The following EFNA1 variants were observed in gnomAD, a reference collection of about 807,000 sequenced individuals.
EFNA1 encodes the protein ephrin-A1.
Under a neutral mutation model 23.2 loss-of-function variants are expected in EFNA1, and 8 were observed. The observed-to-expected ratio is 0.34, with a 90% CI of 0.20 to 0.62. The LOEUF (loss-of-function observed/expected upper bound fraction) is 0.62, where lower values mean the gene tolerates loss of function less well. Ranked by LOEUF, EFNA1 falls within the 20% of genes least tolerant of loss-of-function variation. EFNA1 has a pLI of 0.75. For missense variants in EFNA1, 217 were observed against 260.0 expected (o/e 0.83, Z 1.14); for synonymous variants, 89 against 98.6 (o/e 0.90, Z 0.58).
At chr1:155,130,568 G>C (rs939407796) in intron 1 of EFNA1, 1 of 985,190 alleles carries the variant, frequency 1.0e-6, no homozygotes, top group African/African-American at 1.7e-5. Context: ...TTTCATCTAG[G>C]GGGAGGTGGA....
chr1:155,131,655 A>G (rs754338748), intron 2 of EFNA1, 21 bp downstream of exon 2: 3 of 1,598,536 alleles, frequency 1.9e-6, no homozygotes, highest in Non-Finnish European at 2.6e-6. Flanking sequence ...GTGAGGGGAC[A>G]GTGTCTGTGT....
At chr1:155,130,479 GGA>G in intron 1 of EFNA1, 1 of 977,594 alleles carries the variant, frequency 1.0e-6, no homozygotes, top group Non-Finnish European at 1.2e-6. Flanking sequence ...GGAGAGGAGG[GGA>G]GAGGGGGAGA....
chr1:155,130,472 G>C, intron 1 of EFNA1: 1 of 976,528 alleles, frequency 1.0e-6, no homozygotes, highest in Non-Finnish European at 1.2e-6. Flanking sequence ...GAGGAGGGGA[G>C]AGGAGGGGAG....
chr1:155,132,939 C>T (rs1333142870), intron 2 of EFNA1, among the ~76,000 whole-genome samples: 1 of 151,766 alleles, frequency 6.6e-6, no homozygotes, highest in East Asian at 2.0e-4. Flanking sequence ...GAGACAGAGT[C>T]TCGCTCTGTC....
rs762230947 is a variant in EFNA1 at position 155,133,719 on chromosome 1, T to C, written c.455-11T>C. 1.9e-6 allele frequency: 3 copies of C among 1,613,932 alleles called. No homozygotes were observed. The African/African-American group carries it at 4.0e-5, about 22-fold the overall frequency. ...TACAGTACCTGATCTACTACCACTC[T>C]TGTCTTTCAGCTCACAGTCCTCAGG... On this transcript the variant is annotated splice_polypyrimidine_tract_variant and intron_variant, in intron 3 of 4. Transcript: ENST00000368407.
intron 1 of EFNA1, among the ~76,000 whole-genome samples, chr1:155,128,407 C>T (rs76790124): frequency 3.3e-5 from 5 of 152,034 alleles, no homozygotes; most frequent in Non-Finnish European, 5.9e-5. Context: ...CCCCACCCCC[C>T]CACTGTGAAA....
intron 2 of EFNA1, among the ~76,000 whole-genome samples, chr1:155,132,334 T>C (rs1664255395): frequency 6.6e-6 from 1 of 151,688 alleles, no homozygotes; most frequent in African/African-American, 2.4e-5. Context: ...CTGCAACCTC[T>C]ACCTCTCGGA....
At position 155,134,434 on chromosome 1, in the gene EFNA1, C is replaced by T. The variant is rs572423902; in HGVS notation, c.*367C>T. ...GGATGGGCAAAGCTTGTCAAAGATG[C>T]CCCCTCCAGGAGAGAGCCAGGATGC... is the stretch of plus-strand genomic sequence containing the variant. On this transcript the variant is annotated 3_prime_UTR_variant, in exon 5 of 5. Transcript: ENST00000368407. 38 of 305,428 alleles carry T rather than the reference C, an allele frequency of 1.2e-4. No homozygotes were observed. The highest frequency in any genetic ancestry group is 2.0e-4 in the Non-Finnish European group (32 of 158,484). The allele number at this position is 305,428 out of a possible 1,614,324, so 18.9% of individuals were successfully genotyped here. A position where few individuals can be genotyped will look rare whatever the true frequency, so the allele number is the denominator to read the frequency against.
intron 4 of EFNA1, 52 bp from the exon 5 acceptor site, chr1:155,133,903 T>A (rs967914151): frequency 1.2e-6 from 2 of 1,606,900 alleles, no homozygotes; most frequent in African/African-American, 2.7e-5. Context: ...TGAGAGCCAG[T>A]ACAAATAGTG....
intron 1 of EFNA1, 105 bp downstream of exon 1, chr1:155,128,174 G>C (rs898521483): frequency 3.6e-5 from 35 of 968,182 alleles, no homozygotes; most frequent in Non-Finnish European, 5.0e-5. Flanking sequence ...GTAGATGACC[G>C]AGGTAGGAGG....
intron 1 of EFNA1, among the ~76,000 whole-genome samples, chr1:155,130,309 G>A (rs569540434): frequency 1.3e-5 from 2 of 152,178 alleles, no homozygotes; most frequent in South Asian, 2.1e-4. Flanking sequence ...ACCAGCTTGC[G>A]GGGTCGGGGG....
intron 1 of EFNA1, among the ~76,000 whole-genome samples, chr1:155,130,161 G>A (rs1262073972): frequency 6.6e-6 from 1 of 152,320 alleles, no homozygotes; most frequent in South Asian, 2.1e-4. Context: ...TTGGGCAGTG[G>A]GTGCCCACCT....
chr1:155,131,547 C>T lies in EFNA1; in HGVS notation c.301C>T (p.Pro101Ser). The change falls in exon 2 of 5, where the codon CCG becomes TCG. Residue 101 changes from proline (P) to serine (S), a missense_variant. Physicochemically the swap from Pro to Ser is moderately conservative, Grantham distance 74. Transcript: ENST00000368407. ...QCNRPSAKHG[P>S]EKLSEKFQRF... ...CAACCGGCCCAGTGCCAAGCATGGCCCGGAGAAGCTGTCTGAGAAGTTCCA... is the reference window on the plus strand; with the variant it reads ...CAACCGGCCCAGTGCCAAGCATGGCTCGGAGAAGCTGTCTGAGAAGTTCCA... 1 of 1,613,852 alleles carries T rather than the reference C, an allele frequency of 6.2e-7. No individual in the cohort carries two copies. The highest frequency in any genetic ancestry group is 8.5e-7 in the Non-Finnish European group (1 of 1,179,966).
In EFNA1 at chr1:155,128,620, G is replaced by C. The variant is rs1299184332; in HGVS notation, c.92+551G>C. 2.6e-5 allele frequency among the ~76,000 whole-genome samples: 4 copies of C among 152,336 alleles called. No individual in the cohort carries two copies. The East Asian group carries it at 5.8e-4, about 22-fold the overall frequency. ...CCCTCACTAGGGGTCTTTTGGGGTGGCATGAGTGAGGCACATGCTGTGCAT... is the reference window on the plus strand; with the variant it reads ...CCCTCACTAGGGGTCTTTTGGGGTGCCATGAGTGAGGCACATGCTGTGCAT... On this transcript the variant is annotated intron_variant, in intron 1 of 4. Transcript: ENST00000368407.
At chr1:155,132,288 G>A (rs182625614) in intron 2 of EFNA1, among the ~76,000 whole-genome samples, 60 of 151,764 alleles carry the variant, frequency 4.0e-4, no homozygotes, top group African/African-American at 1.4e-3. Flanking sequence ...CACTCTTGTC[G>A]CCCAGGCTGG....
rs1329067328 is a variant in EFNA1 at position 155,132,752 on chromosome 1, C to T, written c.389-751C>T. On this transcript the variant is annotated intron_variant, in intron 2 of 4. Transcript: ENST00000368407. ...GGCTGAGGCAGGAGGATCGCTTGAA[C>T]CCAGGAGGTGTGAGGTTACAGTGAG... Among the ~76,000 whole-genome samples, 4 of 151,304 alleles carry T rather than the reference C, an allele frequency of 2.6e-5. No individual in the cohort carries two copies. In the East Asian group the frequency reaches 8.1e-4, roughly 31 times the overall value.
At chr1:155,130,276 G>C (rs1664203452) in intron 1 of EFNA1, among the ~76,000 whole-genome samples, 1 of 152,200 alleles carries the variant, frequency 6.6e-6, no homozygotes, top group Non-Finnish European at 1.5e-5. Context: ...AGCTGGCAGT[G>C]CCTGGGGGAA....
intron 2 of EFNA1, among the ~76,000 whole-genome samples, chr1:155,133,054 G>T (rs552778789): frequency 6.6e-6 from 1 of 151,992 alleles, no homozygotes; most frequent in Non-Finnish European, 1.5e-5. Flanking sequence ...GGGACTACAG[G>T]CATGTGCCAC....
Position 155,134,240 on chromosome 1 carries a change from G to T in EFNA1, c.*173G>T. On this transcript the variant is annotated 3_prime_UTR_variant, in exon 5 of 5. Transcript: ENST00000368407. ...GGGTCAGTATTAAGGTTTTCAACCG[G>T]AAGGAGGCCAACCAGCCCGACAGTG... 1 of 647,524 alleles carries T rather than the reference G, an allele frequency of 1.5e-6. No individual in the cohort carries two copies. The highest frequency in any genetic ancestry group is 2.7e-5 in the East Asian group (1 of 36,420). The allele number at this position is 647,524 out of a possible 1,614,324, so 40.1% of individuals were successfully genotyped here.
Sources: gnomAD v4.1 joint callset for allele counts (sites outside exome capture counted in the v4.1 genomes callset) on GRCh38, gnomAD v4.1.1 for gene constraint, MANE v1.5 for transcripts, NCBI Gene and HGNC (gene_info 2026-07-23, HGNC 2026-07-21) for gene names.